The following URB1 variants were observed in gnomAD, a reference collection of about 807,000 sequenced individuals.
URB1 encodes the protein URB1 ribosome biogenesis factor, also known as nucleolar pre-ribosomal-associated protein 1.
A neutral mutation model predicts 242.3 loss-of-function variants in URB1; 197 were observed. The observed-to-expected ratio is 0.81, with a 90% CI of 0.72 to 0.91. URB1 has a LOEUF of 0.91. URB1 is among the 40% of genes least tolerant of loss of function. The pLI is 0.00. For missense variants in URB1, 2,721 were observed against 2,860.5 expected, an observed-to-expected ratio of 0.95 and a Z score of 1.11; for synonymous variants, 1,153 against 1,201.8, an observed-to-expected ratio of 0.96 and a Z score of 0.84.
intron 14 of URB1, among the ~76,000 whole-genome samples, 165 bp from the exon 15 acceptor site, chr21:32,357,821 C>T (rs2123594123): frequency 6.6e-6 from 1 of 152,206 alleles, no homozygotes; most frequent in African/African-American, 2.4e-5. Context: ...TGAGGTCACG[C>T]GTTGGAGACG....
chr21:32,327,883 TA>T (rs1022503915), intron 30 of URB1, among the ~76,000 whole-genome samples: 3 of 152,164 alleles, frequency 2.0e-5, no homozygotes, highest in Non-Finnish European at 4.4e-5. Context: ...CTCATACACA[TA>T]CAAAAGTTGC....
Position 32,317,053 on chromosome 21 carries a change from T to C in URB1, c.6047A>G (p.Asp2016Gly). 3 of 1,534,824 alleles carry C rather than the reference T, an allele frequency of 2.0e-6. No individual in the cohort carries two copies. The highest frequency in any genetic ancestry group is 2.1e-5 in the Admixed American group (1 of 46,962). The change falls in exon 38 of 39, where the codon GAT becomes GGT. Residue 2016 changes from aspartate to glycine, a missense_variant. Physicochemically the swap from Asp to Gly is moderately conservative, Grantham distance 94. Coordinates refer to ENST00000382751, the MANE Select transcript of URB1 (RefSeq NM_014825.3). ...QARELMKMLK[D>G]KNKPVMPARA... ...GGCTGGCATGACAGGCTTGTTCTTA[T>C]CCTTGAGCATTTCTGTTAAATGCAC...
chr21:32,319,124 CAG>C (rs773588533), intron 36 of URB1, 91 bp downstream of exon 36: 2 of 1,308,226 alleles, frequency 1.5e-6, no homozygotes, highest in Non-Finnish European at 1.0e-6. Flanking sequence ...CCCCCTGGTA[CAG>C]AGTCATGACT....
At chr21:32,345,614 T>C in intron 22 of URB1, 39 bp from the exon 23 acceptor site, 2 of 1,498,546 alleles carry the variant, frequency 1.3e-6, no homozygotes, top group South Asian at 1.3e-5. Flanking sequence ...TCACACCCAA[T>C]GGTGGGCTGC....
chr21:32,350,945 G>A lies in URB1; in HGVS notation c.2614-23C>T, dbSNP rs147010280. 2.1e-3 allele frequency: 3,201 copies of A among 1,535,382 alleles called. 84 individuals are homozygous for A. Among genetic ancestry groups the A allele is most frequent in the Non-Finnish European group, 3.0e-4 (348 of 1,142,862 alleles). ...CAGCTGAGGGAGACAGCAAAAGGCC[G>A]GGGAAGAGAAAGACACATCACCACA... On this transcript the variant is annotated intron_variant, in intron 19 of 38. Transcript: ENST00000382751.
chr21:32,347,948 A>T, intron 21 of URB1, 137 bp from the exon 22 acceptor site: 1 of 1,362,086 alleles, frequency 7.3e-7, no homozygotes, highest in Non-Finnish European at 9.7e-7. Flanking sequence ...TCCATCCTCA[A>T]GCCTACATTT....
At chr21:32,353,840 CAATT>C in intron 18 of URB1, 89 bp downstream of exon 18, 1 of 1,414,888 alleles carries the variant, frequency 7.1e-7, no homozygotes, top group Non-Finnish European at 9.4e-7. Context: ...GGATTCTCAG[CAATT>C]GATCCCAGAG....
intron 7 of URB1, 82 bp from the exon 8 acceptor site, chr21:32,372,713 T>C (rs1223906850): frequency 2.1e-5 from 29 of 1,411,958 alleles, no homozygotes; most frequent in Non-Finnish European, 2.6e-5. Context: ...AAGGACAATA[T>C]TAACTGCCGA....
rs1601137059 is a variant in URB1, at chr21:32,347,777, T to C, written c.3047A>G (p.His1016Arg). The C allele has an allele frequency of 6.5e-7, 1 of 1,547,032 alleles. No homozygotes were observed. The highest frequency in any genetic ancestry group is 8.7e-7 in the Non-Finnish European group (1 of 1,146,660). Residue 1016 changes from histidine to arginine, a missense_variant, in exon 22 of 39, where the codon CAC (histidine) becomes CGC (arginine). Transcript: ENST00000382751. ...LEEVLVAILRHPTLEGWFLAL... is the reference protein window; with the variant it reads ...LEEVLVAILRRPTLEGWFLAL... ...CAGGAACCAGCCCTCCAGGGTGGGG[T>C]GCCTGAGGATGGCCACAAGCACCTC... is the stretch of plus-strand genomic sequence containing the variant.
intron 1 of URB1, among the ~76,000 whole-genome samples, chr21:32,389,191 G>A (rs1024475164): frequency 6.6e-6 from 1 of 152,178 alleles, no homozygotes; most frequent in Non-Finnish European, 1.5e-5. Context: ...TATTGAGGGG[G>A]CAGAGGGTGA....
chr21:32,378,435 G>T lies in URB1; in HGVS notation c.664+10C>A. On this transcript the variant is annotated intron_variant, in intron 5 of 38. Coordinates refer to ENST00000382751, the MANE Select transcript of URB1 (RefSeq NM_014825.3). ...ATGGGCTTTCCTAACGGACAAGGGA[G>T]TACACCTACCTTTCACTTCCAACAC... 6.5e-7 allele frequency: 1 copy of T among 1,549,582 alleles called. No individual in the cohort carries two copies. Among genetic ancestry groups the T allele is most frequent in the Non-Finnish European group, 8.7e-7 (1 of 1,145,098 alleles).
At chr21:32,383,131 C>T (rs1161601108) in intron 4 of URB1, among the ~76,000 whole-genome samples, 1 of 152,188 alleles carries the variant, frequency 6.6e-6, no homozygotes, top group Admixed American at 6.5e-5. Flanking sequence ...AGAGGAGATG[C>T]CCACAGCTAA....
At chr21:32,338,617 C>A in intron 26 of URB1, 90 bp downstream of exon 26, 1 of 1,409,188 alleles carries the variant, frequency 7.1e-7, no homozygotes, top group Non-Finnish European at 9.8e-7. Context: ...CTCCGAGAGC[C>A]GGAGGGAGAT....
chr21:32,318,259 T>G (rs1174224274), intron 36 of URB1, among the ~76,000 whole-genome samples: 1 of 152,034 alleles, frequency 6.6e-6, no homozygotes, highest in Non-Finnish European at 1.5e-5. Flanking sequence ...CCAGTTTCCC[T>G]TGCCTCACAG....
Position 32,359,695 on chromosome 21 carries a change from G to C in URB1, c.1869+101C>G, listed in dbSNP as rs929759703. 3 of 1,009,152 alleles carry C rather than the reference G, an allele frequency of 3.0e-6. No individual in the cohort carries two copies. In the Admixed American group the frequency reaches 9.4e-5, roughly 32 times the overall value. The allele number at this position is 1,009,152 out of a possible 1,614,324, so 62.5% of individuals were successfully genotyped here. On this transcript the variant is annotated intron_variant, in intron 14 of 38. Coordinates refer to ENST00000382751, the MANE Select transcript of URB1 (RefSeq NM_014825.3). ...GAGAACTGTTAACCTCTTCCGTCTT[G>C]CCCCGTCAGGTTCTGAGCCAATTAG...
chr21:32,316,349 A>G (rs1402344058), intron 38 of URB1, 117 bp downstream of exon 38: 1 of 1,414,628 alleles, frequency 7.1e-7, no homozygotes, highest in Admixed American at 3.0e-5. Flanking sequence ...AACAAGCACA[A>G]TACCCAGCTG....
Position 32,321,841 on chromosome 21 carries a change from A to G in URB1, c.5444T>C (p.Leu1815Pro). 1.9e-6 allele frequency: 3 copies of G among 1,551,758 alleles called. No homozygotes were observed. Among genetic ancestry groups the G allele is most frequent in the Non-Finnish European group, 2.6e-6 (3 of 1,147,002 alleles). Residue 1815 changes from leucine to proline, a missense_variant, in exon 34 of 39, where the codon CTG becomes CCG. By Grantham distance (98) the Leu-to-Pro change is moderately conservative. Coordinates refer to ENST00000382751, the MANE Select transcript of URB1 (RefSeq NM_014825.3). ...ACACAGCGGGCTGTGGAAGAAGGAC[A>G]GGATGATGTGGAAGATGCCACGCCG... is the stretch of plus-strand genomic sequence containing the variant. Reference protein sequence around the residue: ...CARRGIFHIILSFFHSPLCDE... With the variant: ...CARRGIFHIIPSFFHSPLCDE...
chr21:32,367,068 T>C (rs2833787), intron 9 of URB1, among the ~76,000 whole-genome samples: 22,853 of 152,212 alleles, frequency 0.15, 2,303 homozygotes, highest in African/African-American at 0.29. Flanking sequence ...TTACCAGTTC[T>C]TGCTGCACTT....
Position 32,320,625 on chromosome 21 carries a change from T to C in URB1, c.5500A>G (p.Ile1834Val). ...GCAACCTGGGCAGCATTCTGTAGAATTTCCAGAATCCAATTCTGAAAACCC... is the reference window on the plus strand; with the variant it reads ...GCAACCTGGGCAGCATTCTGTAGAACTTCCAGAATCCAATTCTGAAAACCC... ...DEAAQNWILEILQNAAQVARS... is the reference protein window; with the variant it reads ...DEAAQNWILEVLQNAAQVARS... Residue 1834 changes from isoleucine (I) to valine (V), a missense_variant, in exon 35 of 39, where the codon ATT becomes GTT. By Grantham distance (29) the Ile-to-Val change is conservative. Transcript: ENST00000382751. 1 of 1,551,656 alleles carries C rather than the reference T, an allele frequency of 6.4e-7. No individual in the cohort carries two copies. Among genetic ancestry groups the C allele is most frequent in the East Asian group, 2.4e-5 (1 of 40,920 alleles).
Sources: allele counts gnomAD v4.1 joint callset (sites outside exome capture counted in the v4.1 genomes callset), GRCh38; gene constraint gnomAD v4.1.1; transcripts MANE v1.5; gene names NCBI Gene and HGNC (gene_info 2026-07-23, HGNC 2026-07-21).